Variants in SGCZ observed in about 807,000 individuals in gnomAD.
The protein encoded by SGCZ is sarcoglycan zeta.
Under a neutral mutation model 41.3 loss-of-function variants are expected in SGCZ, and 40 were observed. The observed-to-expected ratio is 0.97, with a 90% CI of 0.75 to 1.26. SGCZ has a LOEUF of 1.26. Among genes scored for constraint, SGCZ ranks in the 50% most tolerant of loss-of-function variants. The pLI, the probability that SGCZ is intolerant of heterozygous loss-of-function variation, is 0.00. For synonymous variants in SGCZ, 206 were observed against 137.5 expected, an observed-to-expected ratio of 1.50 and a Z score of -3.49; for missense variants, 552 against 369.8, an observed-to-expected ratio of 1.49 and a Z score of -4.04.
At chr8:14,742,399 A>C (rs1227885943) in intron 1 of SGCZ, among the ~76,000 whole-genome samples, 1 of 152,126 alleles carries the variant, frequency 6.6e-6, no homozygotes. Context: ...CTTATTGTGC[A>C]CATTGCCTTT....
At chr8:15,083,598 G>C (rs1805837198) in intron 1 of SGCZ, among the ~76,000 whole-genome samples, 1 of 152,148 alleles carries the variant, frequency 6.6e-6, no homozygotes, top group African/African-American at 2.4e-5. Context: ...ACCTAGGCTG[G>C]AGTCCAGTGG....
At chr8:14,153,775 T>C (rs1437235559) in intron 5 of SGCZ, among the ~76,000 whole-genome samples, 1 of 152,056 alleles carries the variant, frequency 6.6e-6, no homozygotes, top group Non-Finnish European at 1.5e-5. Flanking sequence ...TAACCCTCAA[T>C]GTGATTGAGT....
chr8:14,128,951 G>A (rs1213863630), intron 5 of SGCZ, among the ~76,000 whole-genome samples: 1 of 152,148 alleles, frequency 6.6e-6, no homozygotes, highest in Non-Finnish European at 1.5e-5. Context: ...AGAGGAGGAT[G>A]AGGGATGAAA....
At chr8:14,913,171 CTAAT>C (rs547492275) in intron 1 of SGCZ, among the ~76,000 whole-genome samples, 141 of 152,090 alleles carry the variant, frequency 9.3e-4, no homozygotes, top group Middle Eastern at 6.8e-3. Context: ...AAATCTCATC[CTAAT>C]TATTCAGCAT....
At chr8:15,229,996 G>A (rs905522656) in intron 1 of SGCZ, among the ~76,000 whole-genome samples, 1 of 152,140 alleles carries the variant, frequency 6.6e-6, no homozygotes, top group Non-Finnish European at 1.5e-5. Flanking sequence ...CAAATATTTA[G>A]TAGGCTCTTA....
intron 3 of SGCZ, among the ~76,000 whole-genome samples, chr8:14,253,939 G>T (rs1265192716): frequency 6.6e-6 from 1 of 151,816 alleles, no homozygotes; most frequent in Non-Finnish European, 1.5e-5. Context: ...CACTTGTTCT[G>T]CTTTTCATGA....
At chr8:14,719,773 G>A (rs1465206063) in intron 1 of SGCZ, among the ~76,000 whole-genome samples, 3 of 151,674 alleles carry the variant, frequency 2.0e-5, no homozygotes, top group African/African-American at 7.3e-5. Context: ...CAGATGAGTA[G>A]GTTGCTAAAA....
chr8:14,379,270 T>C (rs1563290881), intron 2 of SGCZ, among the ~76,000 whole-genome samples: 3 of 152,146 alleles, frequency 2.0e-5, no homozygotes, highest in Non-Finnish European at 4.4e-5. Flanking sequence ...CGATAAAAAT[T>C]CAACAAGGTA....
chr8:14,352,255 T>C (rs1232523036), intron 2 of SGCZ, among the ~76,000 whole-genome samples: 1 of 152,010 alleles, frequency 6.6e-6, no homozygotes, highest in Non-Finnish European at 1.5e-5. Flanking sequence ...TAGGAATCAG[T>C]ATCAGCTACT....
intron 2 of SGCZ, among the ~76,000 whole-genome samples, chr8:14,364,477 T>A (rs562704699): frequency 7.9e-5 from 12 of 152,324 alleles, no homozygotes; most frequent in African/African-American, 2.9e-4. Context: ...TTAGCAGCAA[T>A]GCATTGAGGA....
intron 1 of SGCZ, among the ~76,000 whole-genome samples, chr8:14,909,233 C>T (rs1317391900): frequency 6.6e-6 from 1 of 152,192 alleles, no homozygotes; most frequent in Middle Eastern, 3.2e-3. Flanking sequence ...CATGCATTCA[C>T]CTGTCCTCAA....
intron 1 of SGCZ, among the ~76,000 whole-genome samples, chr8:15,166,366 G>C (rs1279011040): frequency 6.6e-6 from 1 of 151,486 alleles, no homozygotes; most frequent in Non-Finnish European, 1.5e-5. Context: ...TCCTGCCTCA[G>C]CCTCCTGGGT....
chr8:14,442,269 G>A lies in SGCZ; in HGVS notation c.234+112463C>T, dbSNP rs556399717. The stretch of plus-strand genomic sequence containing the variant: ...ATCCGGTCTTGCCCGTGATATTCTC[G>A]TGATAATGAATAAGTATCATGAGAT... On this transcript the variant is annotated intron_variant, in intron 2 of 7. Coordinates refer to ENST00000382080, the MANE Select transcript of SGCZ (RefSeq NM_139167.4). 6.6e-4 allele frequency among the ~76,000 whole-genome samples: 101 copies of A among 152,230 alleles called. 1 individual carries two copies. The highest frequency in any genetic ancestry group is 2.3e-3 in the African/African-American group (96 of 41,546).
At chr8:14,329,118 T>C (rs548178330) in intron 2 of SGCZ, among the ~76,000 whole-genome samples, 57 of 152,284 alleles carry the variant, frequency 3.7e-4, no homozygotes, top group African/African-American at 1.3e-3. Context: ...TAGCAAAAAC[T>C]GACTAGGGCA....
chr8:14,309,154 G>T (rs1428402070), intron 3 of SGCZ: 8 of 1,468,718 alleles, frequency 5.4e-6, no homozygotes, highest in South Asian at 2.3e-5. Flanking sequence ...GGGCACTCTG[G>T]TTTTTTAAAA....
chr8:14,752,378 A>T (rs945274421), intron 1 of SGCZ, among the ~76,000 whole-genome samples: 2 of 152,182 alleles, frequency 1.3e-5, no homozygotes, highest in Non-Finnish European at 2.9e-5. Flanking sequence ...AGCCAGCCCT[A>T]GGTCTAACAA....
At chr8:14,519,379 G>T (rs9325710) in intron 2 of SGCZ, among the ~76,000 whole-genome samples, 2,447 of 152,046 alleles carry the variant, frequency 0.016, 62 homozygotes, top group African/African-American at 0.057. Flanking sequence ...AAGAAATATG[G>T]AAAAGTTTCC....
intron 2 of SGCZ, among the ~76,000 whole-genome samples, chr8:14,362,713 C>G (rs1219919029): frequency 6.6e-6 from 1 of 152,142 alleles, no homozygotes; most frequent in South Asian, 2.1e-4. Flanking sequence ...CACTCACCAA[C>G]CAGTCCCAGT....
intron 3 of SGCZ, among the ~76,000 whole-genome samples, chr8:14,291,345 A>G (rs1164568601): frequency 6.7e-6 from 1 of 149,104 alleles, no homozygotes; most frequent in Non-Finnish European, 1.5e-5. Context: ...AAGGTGATAG[A>G]TATGCTAATT....
Sources: gnomAD v4.1 joint callset for allele counts (sites outside exome capture counted in the v4.1 genomes callset) on GRCh38, gnomAD v4.1.1 for gene constraint, MANE v1.5 for transcripts, NCBI Gene and HGNC (gene_info 2026-07-23, HGNC 2026-07-21) for gene names.